TTC6: variants seen among roughly 807,000 people sequenced by gnomAD.
TTC6 encodes tetratricopeptide repeat domain 6.
TTC6 carries 172 observed loss-of-function variants against 210.4 expected under a neutral mutation model. That is an observed-to-expected ratio of 0.82 (90% confidence interval 0.72 to 0.93). TTC6 has a LOEUF of 0.93. TTC6 is among the 40% of genes least tolerant of loss of function. The pLI, the probability that TTC6 is intolerant of heterozygous loss-of-function variation, is 0.00. For synonymous variants in TTC6, 804 were observed against 819.6 expected (o/e 0.98, Z 0.32); for missense variants, 2,414 against 2,318.1 (o/e 1.04, Z -0.85).
chr14:37,692,740 G>A (rs192169287), intron 3 of TTC6, among the ~76,000 whole-genome samples: 63 of 151,796 alleles, frequency 4.2e-4, no homozygotes, highest in African/African-American at 1.4e-3. Context: ...CTTTCTGTAA[G>A]CCCAGCTACT....
chr14:37,693,626 AC>A (rs2095808718), intron 3 of TTC6, among the ~76,000 whole-genome samples: 1 of 152,074 alleles, frequency 6.6e-6, no homozygotes, highest in Admixed American at 6.6e-5. Context: ...ACAACAAAAA[AC>A]AAACCCCAAA....
At chr14:37,675,281 A>G (rs2095766642) in intron 1 of TTC6, among the ~76,000 whole-genome samples, 1 of 152,034 alleles carries the variant, frequency 6.6e-6, no homozygotes, top group Non-Finnish European at 1.5e-5. Flanking sequence ...TTTTCTATAG[A>G]TTTACCTATT....
exon 3 of TTC6, chr14:37,682,808 A>C (rs2095786811): frequency 6.5e-7 from 1 of 1,535,684 alleles, no homozygotes; most frequent in South Asian, 1.2e-5. Flanking sequence ...TCCAGATTGA[A>C]CAAGAGGATA....
intron 2 of TTC6, among the ~76,000 whole-genome samples, chr14:37,681,651 C>T (rs1198601300): frequency 6.6e-6 from 1 of 152,060 alleles, no homozygotes; most frequent in Non-Finnish European, 1.5e-5. Context: ...CCTCAGACAT[C>T]AGACTGCAGC....
rs532141437 is a variant in TTC6, at chr14:37,801,501, A to C, written c.4030-3179A>C. On this transcript the variant is annotated intron_variant, in intron 20 of 30. Transcript: ENST00000553443. ...TGTGCAGGACCTGTGACTTGCTTCC[A>C]ACCAATAGAATATGGCAAAATTGGT... 3.9e-4 allele frequency among the ~76,000 whole-genome samples: 59 copies of C among 152,080 alleles called. 1 individual carries two copies. The highest frequency in any genetic ancestry group is 8.2e-4 in the Non-Finnish European group (56 of 67,990).
chr14:37,700,124 T>G (rs930552201), intron 4 of TTC6, among the ~76,000 whole-genome samples: 8 of 152,092 alleles, frequency 5.3e-5, no homozygotes, highest in Non-Finnish European at 8.8e-5. Context: ...GGATTGGATT[T>G]GATTTGATGA....
intron 5 of TTC6, among the ~76,000 whole-genome samples, chr14:37,707,190 T>A (rs1472105748): frequency 6.6e-6 from 1 of 152,094 alleles, no homozygotes; most frequent in Non-Finnish European, 1.5e-5. Flanking sequence ...CAGAATTTTA[T>A]GTTTTGCTTT....
chr14:37,642,898 T>A (rs995037009), intron 1 of TTC6, among the ~76,000 whole-genome samples: 5 of 152,226 alleles, frequency 3.3e-5, no homozygotes, highest in Admixed American at 2.6e-4. Context: ...ATCTAAACTA[T>A]GTAAACATAG....
chr14:37,793,905 GC>G (rs1324149164), intron 17 of TTC6, among the ~76,000 whole-genome samples: 2 of 152,158 alleles, frequency 1.3e-5, no homozygotes, highest in Non-Finnish European at 2.9e-5. Context: ...GAAAAGTAGG[GC>G]TCACAAAAGA....
intron 14 of TTC6, among the ~76,000 whole-genome samples, chr14:37,782,982 T>G (rs540901715): frequency 6.6e-6 from 1 of 152,300 alleles, no homozygotes; most frequent in South Asian, 2.1e-4. Flanking sequence ...TGAAGCCCAC[T>G]TGAACATGGT....
upstream of TTC6, among the ~76,000 whole-genome samples, chr14:37,620,331 C>T (rs906154589): frequency 6.6e-6 from 1 of 152,180 alleles, no homozygotes. Context: ...GGTGTTTCTG[C>T]CTTACTGTTT....
chr14:37,728,145 G>A (rs182009485), intron 7 of TTC6, among the ~76,000 whole-genome samples: 241 of 147,834 alleles, frequency 1.6e-3, no homozygotes, highest in African/African-American at 5.4e-3. Flanking sequence ...TGCATTGCTC[G>A]ATAAGTAGTA....
chr14:37,715,141 G>A (rs1265335910), intron 6 of TTC6, among the ~76,000 whole-genome samples: 1 of 152,082 alleles, frequency 6.6e-6, no homozygotes, highest in Non-Finnish European at 1.5e-5. Context: ...CTGCACTCCA[G>A]CCTGGGCAAC....
chr14:37,660,926 C>T (rs111679092), intron 1 of TTC6, among the ~76,000 whole-genome samples: 11,505 of 152,266 alleles, frequency 0.076, 550 homozygotes, highest in African/African-American at 0.13. Flanking sequence ...TTGCATTTCT[C>T]TAATGATCAG....
At chr14:37,753,963 AT>A (rs1373087701) in intron 14 of TTC6, among the ~76,000 whole-genome samples, 1 of 151,734 alleles carries the variant, frequency 6.6e-6, no homozygotes, top group Non-Finnish European at 1.5e-5. Context: ...CATAGTTTTC[AT>A]TTTGTTGCTT....
At chr14:37,831,016 G>T (rs1252072469) in intron 29 of TTC6, among the ~76,000 whole-genome samples, 1 of 151,980 alleles carries the variant, frequency 6.6e-6, no homozygotes, top group East Asian at 1.9e-4. Context: ...TCAAATACTA[G>T]AACTTATTTC....
chr14:37,622,237 G>C, exon 1 of TTC6: 1 of 1,535,270 alleles, frequency 6.5e-7, no homozygotes, highest in Non-Finnish European at 8.7e-7. Flanking sequence ...CATGCCCCCG[G>C]CCCGGCCCGC....
At chr14:37,770,478 T>G (rs1415775327) in intron 14 of TTC6, among the ~76,000 whole-genome samples, 2 of 151,578 alleles carry the variant, frequency 1.3e-5, no homozygotes, top group African/African-American at 4.8e-5. Context: ...TTTATGAATC[T>G]GGGTGCTCCT....
chr14:37,638,794 A>G (rs2095685920), intron 1 of TTC6, among the ~76,000 whole-genome samples: 1 of 152,176 alleles, frequency 6.6e-6, no homozygotes. Context: ...TTAGAACTGA[A>G]TATGAATCTA....
Sources: allele counts gnomAD v4.1 joint callset (sites outside exome capture counted in the v4.1 genomes callset), GRCh38; gene constraint gnomAD v4.1.1; transcripts MANE v1.5; gene names NCBI Gene and HGNC (gene_info 2026-07-23, HGNC 2026-07-21).